Variants in ZNF185 observed in about 807,000 individuals in gnomAD.
ZNF185 encodes the protein zinc finger protein 185 with LIM domain.
Under a neutral mutation model 58.6 loss-of-function variants are expected in ZNF185, and 56 were observed. The observed-to-expected ratio is 0.95, with a 90% CI of 0.77 to 1.19. The LOEUF (loss-of-function observed/expected upper bound fraction) is 1.19, where lower values mean the gene tolerates loss of function less well. ZNF185 is among the 50% of genes most tolerant of loss of function. The probability of loss-of-function intolerance (pLI) is 0.00; values close to 1 mark genes in which losing one functional copy is unlikely to be tolerated. For missense variants in ZNF185, 627 were observed against 573.5 expected, an observed-to-expected ratio of 1.09 and a Z score of -0.95; for synonymous variants, 230 against 215.9, an observed-to-expected ratio of 1.07 and a Z score of -0.57.
chrX:152,918,038 A>G, intron 5 of ZNF185, 27 bp from the exon 7 acceptor site: 1 of 1,173,035 alleles, frequency 8.5e-7, no homozygotes, highest in East Asian at 3.2e-5. Context: ...GCCTGCAGGT[A>G]GACACATGGA....
chrX:152,920,687 C>A lies in ZNF185; in HGVS notation c.615-20C>A. 1 of 1,211,889 alleles carries A rather than the reference C, an allele frequency of 8.3e-7. No homozygotes were observed. The highest frequency in any genetic ancestry group is 1.8e-5 in the South Asian group (1 of 57,021). On this transcript the variant is annotated intron_variant, in intron 8 of 22. Transcript: ENST00000449285. ...CCCACGGGCTCTGCCCAAAGCATTG[C>A]CTTTCTGCTTCCTTTCCAGCAGTCC...
chrX:152,951,416 A>C (rs1486706355), intron 16 of ZNF185, among the ~76,000 whole-genome samples: 1 of 112,246 alleles, frequency 8.9e-6, no homozygotes, highest in Non-Finnish European at 1.9e-5. Flanking sequence ...TCTAATTTTA[A>C]AGATATTTGT....
chrX:152,907,338 A>G, the ZNF185 span, among the ~76,000 whole-genome samples: 7 of 112,808 alleles, frequency 6.2e-5, no homozygotes, highest in East Asian at 1.4e-3. Flanking sequence ...CTGTTCAGCC[A>G]CCTCATTGGC....
chrX:152,907,358 C>T, the ZNF185 span, among the ~76,000 whole-genome samples: 2 of 113,200 alleles, frequency 1.8e-5, no homozygotes, highest in South Asian at 7.2e-4. Flanking sequence ...CTCCTCGCTC[C>T]TATCTATCCA....
At chrX:152,906,148 C>T in the ZNF185 span, among the ~76,000 whole-genome samples, 1 of 112,622 alleles carries the variant, frequency 8.9e-6, no homozygotes, top group Non-Finnish European at 1.9e-5. Context: ...TCCCAGAGAC[C>T]AGCCATCTTC....
At chrX:152,948,648 C>T (rs980063826) in intron 16 of ZNF185, among the ~76,000 whole-genome samples, 7 of 111,711 alleles carry the variant, frequency 6.3e-5, no homozygotes, top group African/African-American at 1.3e-4. Flanking sequence ...GATTTTGCTT[C>T]GTATCTTTTC....
intron 12 of ZNF185, among the ~76,000 whole-genome samples, chrX:152,931,012 CCTCCGTTTGCT>C (rs782096786): frequency 5.6e-4 from 62 of 111,467 alleles, no homozygotes; most frequent in African/African-American, 1.7e-3. Context: ...GCTTTGTGTG[CCTCCGTTTGCT>C]CATCTGAAAG....
chrX:152,899,631 T>C, the ZNF185 span, among the ~76,000 whole-genome samples: 9 of 112,755 alleles, frequency 8.0e-5, no homozygotes, highest in Non-Finnish European at 5.6e-5. Flanking sequence ...TTCCATCCTC[T>C]GGACACTCAT....
intron 16 of ZNF185, among the ~76,000 whole-genome samples, chrX:152,956,486 C>T (rs1259861765): frequency 8.9e-6 from 1 of 111,954 alleles, no homozygotes; most frequent in Non-Finnish European, 1.9e-5. Context: ...CACCTGTAAT[C>T]CCAGCACTCT....
At chrX:152,918,089 T>A (rs1556867144) in exon 6 of ZNF185, 1 of 1,191,600 alleles carries the variant, frequency 8.4e-7, no homozygotes, top group East Asian at 3.1e-5. Context: ...TGAGAACAGC[T>A]AACGCTGGTC....
chrX:152,938,272 T>C, intron 15 of ZNF185, 109 bp downstream of exon 17: 1 of 756,975 alleles, frequency 1.3e-6, no homozygotes, highest in Non-Finnish European at 1.9e-6. Context: ...GTTTGTGAGC[T>C]GGCCTGAGGC....
At chrX:152,945,208 G>T in intron 15 of ZNF185, 59 bp from the exon 18 acceptor site, 1 of 1,130,833 alleles carries the variant, frequency 8.8e-7, no homozygotes, top group Non-Finnish European at 1.2e-6. Context: ...TGCGTCCTGG[G>T]GCTGAGGCAG....
chrX:152,963,535 G>A (rs781912152), intron 17 of ZNF185, among the ~76,000 whole-genome samples: 2 of 111,748 alleles, frequency 1.8e-5, no homozygotes, highest in Non-Finnish European at 3.8e-5. Context: ...TCACATCCCC[G>A]GGAGCCCCAT....
rs782664689 is a variant in ZNF185, at chrX:152,930,577, TG to T, written c.918-1092del. Among the ~76,000 whole-genome samples the T allele has an allele frequency of 6.3e-5, 7 of 110,851 alleles. No homozygotes were observed. The East Asian group carries it at 2.0e-3, about 32-fold the overall frequency. On this transcript the variant is annotated intron_variant, in intron 12 of 22. Transcript: ENST00000449285. Reference sequence around the variant, plus strand: ...CTCCTGAGGGCCAGTTGGGAGTTAGTGGGTGTGCAGGCCAGTATAAAGGAGA... The same window carrying T: ...CTCCTGAGGGCCAGTTGGGAGTTAGTGGTGTGCAGGCCAGTATAAAGGAGA...
At chrX:152,924,082 A>G (rs1940346261) in intron 11 of ZNF185, among the ~76,000 whole-genome samples, 1 of 110,918 alleles carries the variant, frequency 9.0e-6, no homozygotes, top group African/African-American at 3.3e-5. Flanking sequence ...GGGCCCTTAT[A>G]TGCTCATCCC....
upstream of ZNF185, among the ~76,000 whole-genome samples, chrX:152,910,686 G>A (rs1937047223): frequency 8.9e-6 from 1 of 112,312 alleles, no homozygotes; most frequent in South Asian, 3.7e-4. Context: ...CTGTACTCGT[G>A]CAATTTCTTC....
intron 15 of ZNF185, among the ~76,000 whole-genome samples, chrX:152,942,174 C>T (rs1556890630): frequency 8.9e-6 from 1 of 112,398 alleles, no homozygotes; most frequent in Non-Finnish European, 1.9e-5. Context: ...CCTGACATCC[C>T]GCAGGGCAGT....
chrX:152,932,829 C>G, intron 13 of ZNF185, 44 bp from the exon 15 acceptor site: 3 of 1,032,524 alleles, frequency 2.9e-6, no homozygotes, highest in Non-Finnish European at 4.0e-6. Flanking sequence ...TAGATGAGAT[C>G]AAAACGCAAC....
intron 3 of ZNF185, 77 bp downstream of exon 4, chrX:152,915,280 GA>G: frequency 9.3e-7 from 1 of 1,070,356 alleles, no homozygotes; most frequent in Non-Finnish European, 1.3e-6. Context: ...CCTCAACAGG[GA>G]GGGGTGGGCA....
Sources: gnomAD v4.1 joint callset for allele counts (sites outside exome capture counted in the v4.1 genomes callset) on GRCh38, gnomAD v4.1.1 for gene constraint, MANE v1.5 for transcripts, NCBI Gene and HGNC (gene_info 2026-07-23, HGNC 2026-07-21) for gene names.